CDKAL1: variants seen among roughly 807,000 people sequenced by gnomAD.
The protein encoded by CDKAL1 is CDKAL1 threonylcarbamoyladenosine tRNA methylthiotransferase.
CDKAL1 carries 32 observed loss-of-function variants against 68.2 expected under a neutral mutation model. The observed-to-expected ratio is 0.47, with a 90% CI of 0.35 to 0.63. The LOEUF (loss-of-function observed/expected upper bound fraction) is 0.63. Ranked by LOEUF, CDKAL1 falls within the 30% of genes least tolerant of loss-of-function variation. The probability of loss-of-function intolerance (pLI) is 0.00; values close to 1 mark genes in which losing one functional copy is unlikely to be tolerated. For synonymous variants in CDKAL1, 234 were observed against 244.3 expected (o/e 0.96, Z 0.39); for missense variants, 606 against 696.7 (o/e 0.87, Z 1.47).
chr6:21,053,282 G>A (rs528213828), intron 11 of CDKAL1, among the ~76,000 whole-genome samples: 4 of 152,166 alleles, frequency 2.6e-5, no homozygotes, highest in African/African-American at 9.7e-5. Flanking sequence ...ATTGGTTCAT[G>A]TTGGTGCATA....
At chr6:20,973,353 T>C (rs1765685692) in intron 10 of CDKAL1, among the ~76,000 whole-genome samples, 1 of 152,192 alleles carries the variant, frequency 6.6e-6, no homozygotes, top group Non-Finnish European at 1.5e-5. Flanking sequence ...ATGTTTATTT[T>C]CTCATGATTG....
intron 10 of CDKAL1, among the ~76,000 whole-genome samples, chr6:20,984,812 G>GGC (rs778345939): frequency 2.3e-3 from 37 of 15,840 alleles, no homozygotes; most frequent in Non-Finnish European, 4.4e-3. Context: ...GCACAGTAAC[G>GGC]GGGGGGGGTG....
chr6:21,197,157 C>CAA (rs879704581), intron 13 of CDKAL1, among the ~76,000 whole-genome samples: 1 of 140,092 alleles, frequency 7.1e-6, no homozygotes, highest in Non-Finnish European at 1.6e-5. Flanking sequence ...GACTCTGTCT[C>CAA]AAAAAAAAAA....
At chr6:20,818,905 T>C (rs1304540767) in intron 8 of CDKAL1, among the ~76,000 whole-genome samples, 1 of 152,014 alleles carries the variant, frequency 6.6e-6, no homozygotes, top group Non-Finnish European at 1.5e-5. Context: ...ATTTAGGTTG[T>C]ACAAAATGTT....
intron 4 of CDKAL1, among the ~76,000 whole-genome samples, chr6:20,644,536 C>T (rs376383119): frequency 3.3e-5 from 5 of 152,054 alleles, no homozygotes; most frequent in Admixed American, 6.5e-5. Context: ...AAAAATTAGC[C>T]GGGTGTGATG....
chr6:20,680,796 A>G (rs746144754), intron 5 of CDKAL1, among the ~76,000 whole-genome samples: 1 of 152,224 alleles, frequency 6.6e-6, no homozygotes, highest in Non-Finnish European at 1.5e-5. Flanking sequence ...GTCTTAAGAA[A>G]TATTGAAAAA....
intron 13 of CDKAL1, among the ~76,000 whole-genome samples, chr6:21,192,290 G>A (rs1200527105): frequency 2.0e-5 from 3 of 151,404 alleles, no homozygotes; most frequent in Non-Finnish European, 4.4e-5. Context: ...CAAAGTGCTG[G>A]GATTACAGGC....
intron 8 of CDKAL1, among the ~76,000 whole-genome samples, chr6:20,793,134 G>A (rs1353442971): frequency 6.6e-6 from 1 of 152,012 alleles, no homozygotes; most frequent in African/African-American, 2.4e-5. Flanking sequence ...AGTCAACCCG[G>A]GATCCTTTGA....
chr6:20,752,657 TC>T (rs1773976868), intron 6 of CDKAL1, among the ~76,000 whole-genome samples: 1 of 152,174 alleles, frequency 6.6e-6, no homozygotes, highest in South Asian at 2.1e-4. Flanking sequence ...GTACACATTT[TC>T]CCCCTGATCC....
chr6:20,782,559 T>A (rs1775477571), intron 8 of CDKAL1, among the ~76,000 whole-genome samples: 4 of 152,202 alleles, frequency 2.6e-5, no homozygotes, highest in Admixed American at 2.6e-4. Context: ...TATTTAAAAT[T>A]GCAAACTTTC....
chr6:20,765,799 C>G (rs1774675817), intron 7 of CDKAL1, among the ~76,000 whole-genome samples: 1 of 152,192 alleles, frequency 6.6e-6, no homozygotes, highest in African/African-American at 2.4e-5. Context: ...GAGAAGCCAG[C>G]ATGTGTTGTC....
chr6:21,215,490 G>A (rs1320240196), intron 15 of CDKAL1, among the ~76,000 whole-genome samples: 1 of 152,078 alleles, frequency 6.6e-6, no homozygotes, highest in East Asian at 1.9e-4. Context: ...TGTGATCTGC[G>A]CAACTTTCCT....
intron 2 of CDKAL1, among the ~76,000 whole-genome samples, chr6:20,543,278 C>T (rs1478554587): frequency 6.6e-6 from 1 of 152,188 alleles, no homozygotes; most frequent in Non-Finnish European, 1.5e-5. Context: ...TTTTCATTCC[C>T]TCCAGGACTG....
chr6:20,646,079 CAG>C (rs1373237755), intron 4 of CDKAL1, among the ~76,000 whole-genome samples: 8 of 100,068 alleles, frequency 8.0e-5, no homozygotes, highest in Non-Finnish European at 1.4e-4. Flanking sequence ...TTTTGTGAGA[CAG>C]AGTCTCACTC....
intron 13 of CDKAL1, among the ~76,000 whole-genome samples, chr6:21,160,690 A>AAT (rs1202173632): frequency 3.4e-4 from 46 of 134,852 alleles, no homozygotes; most frequent in East Asian, 1.0e-3. Context: ...TGTGTCCAAA[A>AAT]ATATATATAT....
At chr6:21,144,532 T>C (rs1443204349) in intron 13 of CDKAL1, among the ~76,000 whole-genome samples, 3 of 151,502 alleles carry the variant, frequency 2.0e-5, no homozygotes, top group Non-Finnish European at 4.4e-5. Context: ...ACGTATGTAA[T>C]CCTAGCACTT....
intron 7 of CDKAL1, among the ~76,000 whole-genome samples, chr6:20,774,594 G>T (rs1165827021): frequency 6.6e-6 from 1 of 152,108 alleles, no homozygotes; most frequent in Non-Finnish European, 1.5e-5. Context: ...CCTGAAGATC[G>T]ATAGACAGCA....
chr6:21,189,184 G>A (rs1016413437), intron 13 of CDKAL1, among the ~76,000 whole-genome samples: 27 of 152,174 alleles, frequency 1.8e-4, no homozygotes, highest in African/African-American at 5.5e-4. Flanking sequence ...AAACTTCATG[G>A]TCTGATTCAG....
chr6:20,638,780 C>T (rs900552205), intron 4 of CDKAL1, among the ~76,000 whole-genome samples: 5 of 131,718 alleles, frequency 3.8e-5, no homozygotes, highest in African/African-American at 1.4e-4. Flanking sequence ...ATTACAAACA[C>T]GCGCCACCAT....
Sources: gnomAD v4.1 joint callset for allele counts (sites outside exome capture counted in the v4.1 genomes callset) on GRCh38, gnomAD v4.1.1 for gene constraint, MANE v1.5 for transcripts, NCBI Gene and HGNC (gene_info 2026-07-23, HGNC 2026-07-21) for gene names.